The following PCDHA10 variants were observed in gnomAD, a reference collection of about 807,000 sequenced individuals.
PCDHA10 encodes the protein protocadherin alpha 10.
PCDHA10 carries 45 observed loss-of-function variants against 61.2 expected under a neutral mutation model. That is an observed-to-expected ratio of 0.74 (90% CI 0.58 to 0.94). PCDHA10 has a LOEUF of 0.94. Ranked by LOEUF, PCDHA10 falls within the 40% of genes least tolerant of loss-of-function variation. The probability of loss-of-function intolerance (pLI) is 0.00; values close to 1 mark genes in which losing one functional copy is unlikely to be tolerated. For synonymous variants in PCDHA10, 602 were observed against 548.8 expected (o/e 1.10, Z -1.35); for missense variants, 1,278 against 1,236.2 (o/e 1.03, Z -0.51).
rs2044012633 is a variant in PCDHA10, at chr5:140,856,464, T to C, written c.416T>C (p.Leu139Pro). 2 of 1,598,082 alleles carry C rather than the reference T, an allele frequency of 1.3e-6. No homozygotes were observed. Among genetic ancestry groups the C allele is most frequent in the Non-Finnish European group, 1.7e-6 (2 of 1,167,896 alleles). ...PPRFSVTEQK[L>P]SIPESRLLDS... ...AGGTTCTCCGTAACAGAACAAAAGC[T>C]CTCAATACCTGAATCCAGACTGCTT... Residue 139 changes from leucine (L) to proline (P), a missense_variant, in exon 1 of 4, where the codon CTC becomes CCC. Physicochemically the swap from Leu to Pro is moderately conservative, Grantham distance 98. Transcript: ENST00000307360.
chr5:140,865,121 A>G (rs1247954384), intron 1 of PCDHA10: 9 of 152,186 alleles, frequency 5.9e-5, no homozygotes, highest in African/African-American at 2.2e-4. Context: ...TTGTGGTGTT[A>G]ATTATACCTT....
At position 140,927,227 on chromosome 5, in the gene PCDHA10, T is replaced by G. The variant is rs782721972; in HGVS notation, c.2389-51722T>G. The G allele has an allele frequency of 3.2e-5, 51 of 1,613,848 alleles. No individual in the cohort carries two copies. The highest frequency in any genetic ancestry group is 1.6e-4 in the Middle Eastern group (1 of 6,084). ...CCGCTGGAGCTGCACAAGATTCGGA[T>G]TCACGTCCTGGACACCAATGACAAC... On this transcript the variant is annotated intron_variant, in intron 1 of 3. Coordinates refer to ENST00000307360, the MANE Select transcript of PCDHA10 (RefSeq NM_018901.4).
At position 141,009,688 on chromosome 5, in the gene PCDHA10, C is replaced by A. The variant is rs2098413722; in HGVS notation, c.2598C>A (p.Thr866=). 1 of 1,613,960 alleles carries A rather than the reference C, an allele frequency of 6.2e-7. No individual in the cohort carries two copies. Among genetic ancestry groups the A allele is most frequent in the Admixed American group, 1.7e-5 (1 of 59,994 alleles). ...CGGGTGTCAACAGCAACAGCTGGAC[C>A]TTTAAATACGGACCAGGCAACCCCA... ...VGAGVNSNSW[T]FKYGPGNPKQ... is the part of the protein sequence containing the mutation. Residue 866 remains threonine, a synonymous_variant, in exon 4 of 4, where the codon ACC becomes ACA. Transcript: ENST00000307360.
intron 1 of PCDHA10, among the ~76,000 whole-genome samples, chr5:140,919,944 A>T (rs1554199311): frequency 6.6e-6 from 1 of 151,622 alleles, no homozygotes; most frequent in Non-Finnish European, 1.5e-5. Flanking sequence ...AATTCCAGTG[A>T]AAAGTTTGTT....
Position 140,857,742 on chromosome 5 carries a change from TG to T in PCDHA10, c.1696del (p.Ala566ArgfsTer85), listed in dbSNP as rs1562528366. On this transcript the variant is annotated frameshift_variant, in exon 1 of 4. Coordinates refer to ENST00000307360, the MANE Select transcript of PCDHA10 (RefSeq NM_018901.4). LOFTEE classifies it high-confidence loss of function. ...LDENDNAPAL[L>X]ASPAGSAGGA... The stretch of plus-strand genomic sequence containing the variant: ...GAGAACGACAACGCTCCCGCGCTGC[TG>T]GCGTCTCCCGCTGGCAGCGCGGGCG... 1.3e-6 allele frequency: 2 copies of T among 1,597,278 alleles called. No individual in the cohort carries two copies. The highest frequency in any genetic ancestry group is 2.7e-5 in the African/African-American group (2 of 74,276).
intron 1 of PCDHA10, among the ~76,000 whole-genome samples, chr5:140,970,086 G>T (rs1263388270): frequency 6.6e-6 from 1 of 152,102 alleles, no homozygotes; most frequent in Non-Finnish European, 1.5e-5. Flanking sequence ...TTAGGGGTGT[G>T]GGGGGATGGT....
intron 1 of PCDHA10, among the ~76,000 whole-genome samples, chr5:140,881,132 T>C (rs1215831856): frequency 1.3e-5 from 2 of 152,218 alleles, no homozygotes; most frequent in African/African-American, 4.8e-5. Flanking sequence ...TTGGTAGAGA[T>C]AGTTATAACA....
intron 1 of PCDHA10, among the ~76,000 whole-genome samples, chr5:140,938,635 G>A (rs1361017966): frequency 6.6e-6 from 1 of 151,982 alleles, no homozygotes; most frequent in Non-Finnish European, 1.5e-5. Context: ...TGCTTATGAT[G>A]TATAATCCTT....
intron 1 of PCDHA10, chr5:140,858,776 C>G (rs2045586511): frequency 2.4e-6 from 1 of 420,578 alleles, no homozygotes; most frequent in Admixed American, 4.3e-5. Context: ...GAGATTAGTA[C>G]TTCATGTTAT....
chr5:140,975,579 A>G (rs1464978366), intron 1 of PCDHA10, among the ~76,000 whole-genome samples: 3 of 152,244 alleles, frequency 2.0e-5, no homozygotes, highest in Non-Finnish European at 4.4e-5. Context: ...ATGCAGTCTC[A>G]TGTCCCAGAG....
chr5:140,940,940 G>A (rs187772223), intron 1 of PCDHA10, among the ~76,000 whole-genome samples: 2 of 152,254 alleles, frequency 1.3e-5, no homozygotes, highest in Non-Finnish European at 2.9e-5. Context: ...CTTAGACTAC[G>A]TATTCTCAGA....
At chr5:140,867,536 A>T (rs1177306827) in intron 1 of PCDHA10, 3 of 152,126 alleles carry the variant, frequency 2.0e-5, no homozygotes, top group African/African-American at 7.2e-5. Flanking sequence ...ATATATATAA[A>T]ATATTAGCAT....
intron 3 of PCDHA10, among the ~76,000 whole-genome samples, chr5:140,992,959 T>A (rs1262703040): frequency 6.6e-6 from 1 of 152,206 alleles, no homozygotes; most frequent in Non-Finnish European, 1.5e-5. Context: ...TCACCCCTTA[T>A]ACTGCTGACA....
In PCDHA10 at chr5:140,859,591, T is replaced by C. The variant is rs540429741; in HGVS notation, c.2388+1155T>C. On this transcript the variant is annotated intron_variant, in intron 1 of 3. Transcript: ENST00000307360. Reference sequence around the variant, plus strand: ...AATTTGTCATCTTGCCTATGGCTCTTAGCAATTACTTTTTTCTTTCCTTTC... The same window carrying C: ...AATTTGTCATCTTGCCTATGGCTCTCAGCAATTACTTTTTTCTTTCCTTTC... 5 of 165,482 alleles carry C rather than the reference T, an allele frequency of 3.0e-5. No homozygotes were observed. The East Asian group carries it at 9.4e-4, about 31-fold the overall frequency. 10.3% of individuals were successfully genotyped at this position (165,482 alleles called of 1,614,324 possible). A position where few individuals can be genotyped will look rare whatever the true frequency, so the allele number is the denominator to read the frequency against.
intron 3 of PCDHA10, among the ~76,000 whole-genome samples, chr5:140,999,659 G>A (rs1208907437): frequency 6.6e-6 from 1 of 152,162 alleles, no homozygotes; most frequent in African/African-American, 2.4e-5. Context: ...GAGCCCTGCT[G>A]GGTTGCGGGG....
At chr5:140,927,157 G>T (rs868936673) in intron 1 of PCDHA10, 1 of 1,614,146 alleles carries the variant, frequency 6.2e-7, no homozygotes, top group Admixed American at 1.7e-5. Flanking sequence ...GCTGTGCAGG[G>T]CCAAAGCTGC....
chr5:140,945,828 A>T (rs2093847646), intron 1 of PCDHA10, among the ~76,000 whole-genome samples: 1 of 152,176 alleles, frequency 6.6e-6, no homozygotes, highest in Admixed American at 6.5e-5. Flanking sequence ...TACAAAAGTC[A>T]ACTCAAAATG....
intron 1 of PCDHA10, among the ~76,000 whole-genome samples, chr5:140,941,191 T>TTTTTC (rs1554213809): frequency 1.8e-4 from 17 of 93,256 alleles, no homozygotes; most frequent in Middle Eastern, 5.1e-3. Context: ...GCTTCTTTTT[T>TTTTTC]TTTCTTTCTT....
At chr5:140,875,891 TA>T (rs2055921027) in intron 1 of PCDHA10, 3 of 1,614,128 alleles carry the variant, frequency 1.9e-6, no homozygotes, top group Middle Eastern at 3.3e-4. Flanking sequence ...GAACAAAAGG[TA>T]CCTGTTTCTG....
Sources: gnomAD v4.1 joint callset for allele counts (sites outside exome capture counted in the v4.1 genomes callset) on GRCh38, gnomAD v4.1.1 for gene constraint, MANE v1.5 for transcripts, NCBI Gene and HGNC (gene_info 2026-07-23, HGNC 2026-07-21) for gene names.